Variants in GATM observed in about 807,000 individuals in gnomAD.
GATM encodes glycine amidinotransferase, also known as glycine amidinotransferase, mitochondrial.
In GATM, 23 loss-of-function variants were observed where a neutral mutation model predicts 54.2. The ratio of observed to expected loss-of-function variants is 0.42; its 90% CI spans 0.31 to 0.60. The LOEUF is 0.60. Ranked by LOEUF, GATM falls within the 20% of genes least tolerant of loss-of-function variation. The probability of loss-of-function intolerance (pLI) is 0.14; values close to 1 mark genes in which losing one functional copy is unlikely to be tolerated. For synonymous variants in GATM, 168 were observed against 183.1 expected, an observed-to-expected ratio of 0.92 and a Z score of 0.67; for missense variants, 401 against 544.9, an observed-to-expected ratio of 0.74 and a Z score of 2.63.
At chr15:45,376,935 G>A in intron 1 of GATM, 116 bp from the exon 2 acceptor site, 2 of 925,934 alleles carry the variant, frequency 2.2e-6, no homozygotes, top group Non-Finnish European at 3.4e-6. Flanking sequence ...AACCCCTTTA[G>A]AACAGCATAA....
At chr15:45,365,882 G>C (rs1178822061) in intron 6 of GATM, among the ~76,000 whole-genome samples, 164 bp downstream of exon 6, 10 of 152,206 alleles carry the variant, frequency 6.6e-5, no homozygotes, top group Non-Finnish European at 1.3e-4. Context: ...TGGACATCTT[G>C]TAATAAGCCA....
intron 7 of GATM, chr15:45,364,548 A>AG: frequency 2.2e-6 from 1 of 446,600 alleles, no homozygotes; most frequent in Non-Finnish European, 4.1e-6. Context: ...AAAAAAAAAA[A>AG]AGTCATATCT....
intron 6 of GATM, 64 bp from the exon 7 acceptor site, chr15:45,364,924 T>A: frequency 8.7e-6 from 11 of 1,261,764 alleles, no homozygotes; most frequent in East Asian, 2.4e-5. Flanking sequence ...ATTATTAGTC[T>A]CTAATAGCCC....
intron 7 of GATM, chr15:45,364,567 GTGA>G: frequency 4.0e-6 from 2 of 494,842 alleles, no homozygotes; most frequent in Non-Finnish European, 7.3e-6. Flanking sequence ...CTTGCTTTAC[GTGA>G]TGTTGTTTTA....
rs554067449 is a variant in GATM at position 45,376,912 on chromosome 15, A to C, written c.70-93T>G. 6.8e-6 allele frequency: 8 copies of C among 1,177,914 alleles called. No homozygotes were observed. In the African/African-American group the frequency reaches 1.2e-4, roughly 18 times the overall value. The allele number at this position is 1,177,914 out of a possible 1,614,324, so 73.0% of individuals were successfully genotyped here. A position where few individuals can be genotyped will look rare whatever the true frequency, so the allele number is the denominator to read the frequency against. ...GGAGATGGAGTAAAAATCCAGCATA[A>C]CATTGCCACTTAAACCCCTTTAGAA... On this transcript the variant is annotated intron_variant, in intron 1 of 8. Transcript: ENST00000396659.
intron 3 of GATM, among the ~76,000 whole-genome samples, chr15:45,393,627 A>G (rs1889894681): frequency 6.6e-6 from 1 of 152,160 alleles, no homozygotes; most frequent in Admixed American, 6.5e-5. Context: ...TAATAATTAC[A>G]ATGAACATCA....
intron 3 of GATM, among the ~76,000 whole-genome samples, chr15:45,388,069 A>G (rs920528062): frequency 1.3e-5 from 2 of 152,114 alleles, no homozygotes. Context: ...GCTGGTCTTG[A>G]ACTCCTGGGC....
intron 7 of GATM, 104 bp downstream of exon 7, chr15:45,364,691 AAC>A: frequency 9.8e-7 from 1 of 1,015,436 alleles, no homozygotes. Flanking sequence ...TTACTGAGGA[AAC>A]ACATTCTCTA....
At chr15:45,402,175 ACGAAGACCATCT>A in exon 1 of GATM, 1 of 523,780 alleles carries the variant, frequency 1.9e-6, no homozygotes, top group Admixed American at 4.2e-5. Flanking sequence ...GACACCTGTA[ACGAAGACCATCT>A]CGGGAAAGCT....
At chr15:45,398,719 T>C (rs1410787794) in intron 2 of GATM, among the ~76,000 whole-genome samples, 1 of 152,226 alleles carries the variant, frequency 6.6e-6, no homozygotes, top group Non-Finnish European at 1.5e-5. Flanking sequence ...TCTCTATTCA[T>C]CTATTACAAC....
At chr15:45,378,638 C>T, upstream of GATM, 1 of 464,878 alleles carries the variant, frequency 2.2e-6, no homozygotes, top group Non-Finnish European at 3.7e-6. Context: ...GGTGGTGGGG[C>T]CGGCGTAGCG....
chr15:45,393,742 T>C (rs1889896306), intron 3 of GATM, among the ~76,000 whole-genome samples: 1 of 152,206 alleles, frequency 6.6e-6, no homozygotes, highest in Non-Finnish European at 1.5e-5. Context: ...ACTGATTCAA[T>C]ATCTGGATTC....
chr15:45,377,098 A>G, intron 1 of GATM: 2 of 489,908 alleles, frequency 4.1e-6, no homozygotes, highest in Middle Eastern at 3.0e-4. Context: ...ATACACCCCC[A>G]TCTTTATCTC....
rs1179509859 is a variant in GATM, at chr15:45,366,192, T to C, written c.832A>G (p.Ile278Val). 3 of 1,614,018 alleles carry C rather than the reference T, an allele frequency of 1.9e-6. No homozygotes were observed. Among genetic ancestry groups the C allele is most frequent in the Non-Finnish European group, 1.7e-6 (2 of 1,180,016 alleles). ...GCAAGATGCCTACGCATCCATTCAATGCCTAGGTAGTTTGTAACCTGAAAA... is the reference window on the plus strand; with the variant it reads ...GCAAGATGCCTACGCATCCATTCAACGCCTAGGTAGTTTGTAACCTGAAAA... ...QRSQVTNYLG[I>V]EWMRRHLAPD... Residue 278 changes from isoleucine to valine, a missense_variant, in exon 6 of 9, where the codon ATT becomes GTT. Around this residue, in one of 3 missense-constraint regions of GATM, gnomAD observed 321 missense variants for 457.5 expected, o/e 0.70. Transcript: ENST00000396659.
chr15:45,364,008 G>A lies in GATM; in HGVS notation c.1051C>T (p.Leu351Phe). 6.3e-7 allele frequency: 1 copy of A among 1,591,570 alleles called. No individual in the cohort carries two copies. Among genetic ancestry groups the A allele is most frequent in the Non-Finnish European group, 8.6e-7 (1 of 1,160,052 alleles). Residue 351 changes from leucine (L) to phenylalanine (F), a missense_variant, in exon 8 of 9, where the codon CTC (leucine) becomes TTC (phenylalanine). Leu to Phe is a conservative substitution (Grantham distance 22). This residue lies in a region of GATM where 321 missense variants were observed against 457.5 expected (regional missense o/e 0.70). Transcript: ENST00000396659. ...GAAAGCCATTTGGATGACATCCAGAGTGGATGATCTAAAAACAGCAACAAC... is the reference window on the plus strand; with the variant it reads ...GAAAGCCATTTGGATGACATCCAGAATGGATGATCTAAAAACAGCAACAAC... ...PTPIIPDDHP[L>F]WMSSKWLSMN... is the part of the protein sequence containing the mutation.
intron 3 of GATM, among the ~76,000 whole-genome samples, chr15:45,393,853 T>C (rs945323801): frequency 1.3e-5 from 2 of 152,238 alleles, no homozygotes; most frequent in Non-Finnish European, 2.9e-5. Flanking sequence ...TTTGGATTTC[T>C]GGATTAGGAA....
intron 2 of GATM, chr15:45,373,426 C>T (rs1427531087): frequency 1.3e-5 from 2 of 152,130 alleles, no homozygotes; most frequent in East Asian, 3.8e-4. Flanking sequence ...TGGCATGAAC[C>T]CAGGAGGCGG....
At chr15:45,382,629 C>T (rs1889755091), upstream of GATM, among the ~76,000 whole-genome samples, 1 of 151,708 alleles carries the variant, frequency 6.6e-6, no homozygotes, top group African/African-American at 2.4e-5. Flanking sequence ...CCCGTCTCTA[C>T]TAAAAATACA....
At chr15:45,383,546 G>A (rs1374392002), upstream of GATM, among the ~76,000 whole-genome samples, 1 of 151,006 alleles carries the variant, frequency 6.6e-6, no homozygotes, top group African/African-American at 2.4e-5. Context: ...TCTTTCTTAA[G>A]GTTCTGACTA....
Sources: gnomAD v4.1 joint callset for allele counts (sites outside exome capture counted in the v4.1 genomes callset) on GRCh38, gnomAD v4.1.1 for gene constraint, gnomAD v4.1.1 regional missense constraint, MANE v1.5 for transcripts, NCBI Gene and HGNC (gene_info 2026-07-23, HGNC 2026-07-21) for gene names.